MAGI2: variants seen among roughly 807,000 people sequenced by gnomAD.
The protein encoded by MAGI2 is membrane associated guanylate kinase, WW and PDZ domain containing 2.
In MAGI2, 35 loss-of-function variants were observed where a neutral mutation model predicts 133.3. The ratio of observed to expected loss-of-function variants is 0.26; its 90% CI spans 0.20 to 0.35. The LOEUF is 0.35. Among genes scored for constraint, MAGI2 ranks in the 10% least tolerant of loss-of-function variants. The pLI, the probability that MAGI2 is intolerant of heterozygous loss-of-function variation, is 1.00. For synonymous variants in MAGI2, 729 were observed against 710.6 expected, an observed-to-expected ratio of 1.03 and a Z score of -0.41; for missense variants, 1,636 against 1,863.4, an observed-to-expected ratio of 0.88 and a Z score of 2.25.
At chr7:78,673,382 T>A (rs1200149429) in intron 2 of MAGI2, among the ~76,000 whole-genome samples, 1 of 150,440 alleles carries the variant, frequency 6.6e-6, no homozygotes, top group East Asian at 2.0e-4. Flanking sequence ...GGTTGAGAGG[T>A]CTCAAGATCT....
chr7:79,369,610 G>T (rs987026010), intron 1 of MAGI2, among the ~76,000 whole-genome samples: 1 of 152,112 alleles, frequency 6.6e-6, no homozygotes, highest in Admixed American at 6.6e-5. Flanking sequence ...ATTTTCCCAG[G>T]CTTGTAGAAC....
chr7:78,396,775 A>G (rs1337508833), intron 6 of MAGI2, among the ~76,000 whole-genome samples: 1 of 152,170 alleles, frequency 6.6e-6, no homozygotes, highest in East Asian at 1.9e-4. Flanking sequence ...TCCTAAGTGA[A>G]GAGGGTGATG....
chr7:78,878,280 T>C (rs2151537181), intron 2 of MAGI2, among the ~76,000 whole-genome samples: 1 of 152,358 alleles, frequency 6.6e-6, no homozygotes, highest in East Asian at 1.9e-4. Flanking sequence ...CATACTCTTC[T>C]ATTGCTCTAC....
intron 2 of MAGI2, among the ~76,000 whole-genome samples, chr7:78,893,839 C>T (rs536764424): frequency 6.6e-6 from 1 of 152,218 alleles, no homozygotes; most frequent in African/African-American, 2.4e-5. Context: ...AACAAACCTG[C>T]ACGTTGTGCA....
At chr7:79,324,963 G>A (rs1528276) in intron 1 of MAGI2, among the ~76,000 whole-genome samples, 127,352 of 151,488 alleles carry the variant, frequency 0.84, 53,622 homozygotes, top group Middle Eastern at 0.86. Flanking sequence ...TCCCACATTC[G>A]CACATTATTT....
intron 2 of MAGI2, among the ~76,000 whole-genome samples, chr7:78,815,621 A>G (rs1047636121): frequency 2.0e-5 from 3 of 152,034 alleles, no homozygotes; most frequent in African/African-American, 7.3e-5. Context: ...ACGTTTGGTA[A>G]TTCTTGCAAT....
intron 1 of MAGI2, among the ~76,000 whole-genome samples, chr7:79,138,692 T>C (rs1385129858): frequency 6.6e-6 from 1 of 152,040 alleles, no homozygotes; most frequent in Non-Finnish European, 1.5e-5. Context: ...TAATCCAATA[T>C]GACTGGTGTA....
chr7:78,844,044 T>A (rs901748597), intron 2 of MAGI2, among the ~76,000 whole-genome samples: 1 of 149,566 alleles, frequency 6.7e-6, no homozygotes, highest in Non-Finnish European at 1.5e-5. Context: ...AAAGGAAATC[T>A]ACACACAGAC....
chr7:78,907,347 A>G (rs1367015440), intron 2 of MAGI2, among the ~76,000 whole-genome samples: 2 of 152,208 alleles, frequency 1.3e-5, no homozygotes, highest in Non-Finnish European at 2.9e-5. Flanking sequence ...ATGTTTTCTC[A>G]ATGCTTGATA....
At chr7:78,083,420 G>GAC (rs1554440755) in intron 20 of MAGI2, among the ~76,000 whole-genome samples, 16 of 128,184 alleles carry the variant, frequency 1.2e-4, no homozygotes, top group Admixed American at 4.5e-4. Flanking sequence ...GAGAGAGAGA[G>GAC]AGAGAGAGAG....
intron 2 of MAGI2, among the ~76,000 whole-genome samples, chr7:78,716,869 C>T (rs1254077704): frequency 6.6e-6 from 1 of 152,134 alleles, no homozygotes; most frequent in African/African-American, 2.4e-5. Context: ...ATCTTATTTA[C>T]AGCTTAAAAG....
chr7:78,300,209 G>C (rs1230076765), intron 9 of MAGI2, among the ~76,000 whole-genome samples: 3 of 152,096 alleles, frequency 2.0e-5, no homozygotes, highest in Non-Finnish European at 4.4e-5. Flanking sequence ...ACTTGCTGCT[G>C]GGTCTTAGCA....
intron 9 of MAGI2, among the ~76,000 whole-genome samples, chr7:78,320,491 C>T (rs1280344652): frequency 6.6e-6 from 1 of 152,120 alleles, no homozygotes; most frequent in Non-Finnish European, 1.5e-5. Flanking sequence ...TAAATGTAAT[C>T]CATCACATAA....
chr7:78,107,749 C>A (rs535522614), intron 20 of MAGI2, among the ~76,000 whole-genome samples: 2 of 151,626 alleles, frequency 1.3e-5, no homozygotes, highest in Non-Finnish European at 2.9e-5. Flanking sequence ...AGGAATTTAT[C>A]CATTTCTTCT....
At chr7:78,829,541 T>C (rs1247423238) in intron 2 of MAGI2, among the ~76,000 whole-genome samples, 1 of 152,022 alleles carries the variant, frequency 6.6e-6, no homozygotes, top group South Asian at 2.1e-4. Flanking sequence ...TTTATATATG[T>C]ATACTAAATG....
intron 21 of MAGI2, among the ~76,000 whole-genome samples, chr7:78,048,958 A>AT (rs397970552): frequency 6.8e-4 from 103 of 150,882 alleles, no homozygotes; most frequent in Middle Eastern, 6.8e-3. Flanking sequence ...TACAAAAAAA[A>AT]TTAGCCGGGC....
At chr7:79,301,302 C>T (rs527269414) in intron 1 of MAGI2, among the ~76,000 whole-genome samples, 11 of 152,332 alleles carry the variant, frequency 7.2e-5, no homozygotes, top group Non-Finnish European at 1.3e-4. Context: ...AAGAGAGCAG[C>T]CATGGGGACT....
intron 6 of MAGI2, among the ~76,000 whole-genome samples, chr7:78,403,328 C>T (rs1435187246): frequency 2.0e-5 from 3 of 152,216 alleles, no homozygotes; most frequent in Non-Finnish European, 4.4e-5. Flanking sequence ...AAGACATGAA[C>T]TCATCCTTTG....
intron 2 of MAGI2, among the ~76,000 whole-genome samples, chr7:78,656,888 G>A (rs1812345725): frequency 6.6e-6 from 1 of 151,228 alleles, no homozygotes; most frequent in Non-Finnish European, 1.5e-5. Flanking sequence ...GCCACAGACT[G>A]AGAGAAAATA....
Sources: allele counts gnomAD v4.1 joint callset (sites outside exome capture counted in the v4.1 genomes callset), GRCh38; gene constraint gnomAD v4.1.1; transcripts MANE v1.5; gene names NCBI Gene and HGNC (gene_info 2026-07-23, HGNC 2026-07-21).